Variants in PCDHGB2 observed in about 807,000 individuals in gnomAD.
PCDHGB2 encodes the protein protocadherin gamma subfamily B, 2.
Under a neutral mutation model 59.3 loss-of-function variants are expected in PCDHGB2, and 55 were observed. That is an observed-to-expected ratio of 0.93 (90% CI 0.75 to 1.16). The LOEUF is 1.16. Among genes scored for constraint, PCDHGB2 ranks in the 50% most tolerant of loss-of-function variants. The pLI is 0.00. For synonymous variants in PCDHGB2, 516 were observed against 512.0 expected (o/e 1.01, Z -0.11); for missense variants, 1,228 against 1,198.5 (o/e 1.02, Z -0.36).
chr5:141,466,977 C>T (rs2099133275), intron 1 of PCDHGB2, among the ~76,000 whole-genome samples: 1 of 151,786 alleles, frequency 6.6e-6, no homozygotes. Flanking sequence ...CACAGCTCAT[C>T]ATTTACCTTT....
chr5:141,419,414 GCCTTCGACCACGAGCAGCTGCGCA>G, intron 1 of PCDHGB2: 1 of 1,613,428 alleles, frequency 6.2e-7, no homozygotes, highest in South Asian at 1.1e-5. Context: ...CGCGCAGCGC[GCCTTCGACCACGAGCAGCTGCGCA>G]CCTTCGAGCT....
In PCDHGB2 at chr5:141,431,187, G is replaced by C. The variant is rs748150837; in HGVS notation, c.2422-63620G>C. On this transcript the variant is annotated intron_variant, in intron 1 of 3. Transcript: ENST00000522605. This position sits in a 1 kb window ranked among gnomAD's most constrained non-coding sequence, Gnocchi z 4.8. ...GAAAGTGAATTAGAAATAAAAATTAGTGAAAATGCAGCCACTGAGATGCGG... is the reference window on the plus strand; with the variant it reads ...GAAAGTGAATTAGAAATAAAAATTACTGAAAATGCAGCCACTGAGATGCGG... 4.3e-6 allele frequency: 7 copies of C among 1,614,102 alleles called. No homozygotes were observed. The Admixed American group carries it at 1.2e-4, about 27-fold the overall frequency.
At chr5:141,466,898 A>G (rs1029507733) in intron 1 of PCDHGB2, among the ~76,000 whole-genome samples, 1 of 152,170 alleles carries the variant, frequency 6.6e-6, no homozygotes, top group African/African-American at 2.4e-5. Context: ...TTTTCCATGA[A>G]GTTTTTGAAA....
In PCDHGB2 at chr5:141,360,296, T is replaced by C. The variant is rs1304247078; in HGVS notation, c.161T>C (p.Leu54Pro). Residue 54 changes from leucine to proline, a missense_variant, in exon 1 of 4, where the codon CTG (leucine) becomes CCG (proline). Leu to Pro is a moderately conservative substitution (Grantham distance 98). Coordinates refer to ENST00000522605, the MANE Select transcript of PCDHGB2 (RefSeq NM_018923.3). Reference protein sequence around the residue: ...NSVVGNLAKDLGLSVRDLPAR... With the variant: ...NSVVGNLAKDPGLSVRDLPAR... ...GTCGTAGGAAACCTCGCCAAGGATC[T>C]GGGGCTCAGCGTCCGGGACTTGCCA... is the stretch of plus-strand genomic sequence containing the variant. 6.2e-7 allele frequency: 1 copy of C among 1,613,922 alleles called. No homozygotes were observed. The highest frequency in any genetic ancestry group is 1.3e-5 in the African/African-American group (1 of 74,996).
chr5:141,431,724 T>G lies in PCDHGB2; in HGVS notation c.2422-63083T>G, dbSNP rs758754345. On this transcript the variant is annotated intron_variant, in intron 1 of 3. Transcript: ENST00000522605. The surrounding 1 kb of genome is among the most constrained non-coding windows in gnomAD (Gnocchi z 4.8). ...TTCTACCAGATGGAAGTGCAAGCAA[T>G]GGATAATGCAGGATATTCTGCGCGA... 1 of 1,614,036 alleles carries G rather than the reference T, an allele frequency of 6.2e-7. No individual in the cohort carries two copies. Among genetic ancestry groups the G allele is most frequent in the Non-Finnish European group, 8.5e-7 (1 of 1,180,036 alleles).
Position 141,498,971 on chromosome 5 carries a change from GGGAAGGAAGGAAGGAAGGAAGGAA to G in PCDHGB2, c.2480+4140_2480+4163del, listed in dbSNP as rs201769957. 5.1e-3 allele frequency among the ~76,000 whole-genome samples: 569 copies of G among 111,048 alleles called. 6 individuals carry two copies. Among genetic ancestry groups the G allele is most frequent in the South Asian group, 0.024 (65 of 2,658 alleles). 72.9% of individuals were successfully genotyped at this position (111,048 alleles called of 152,430 possible). A position where few individuals can be genotyped will look rare whatever the true frequency, so the allele number is the denominator to read the frequency against. On this transcript the variant is annotated intron_variant, in intron 2 of 3. Coordinates refer to ENST00000522605, the MANE Select transcript of PCDHGB2 (RefSeq NM_018923.3). ...AAAAAGAGAGAGAGGGAGGGAGGGA[GGGAAGGAAGGAAGGAAGGAAGGAA>G]GGAAGGAAGGAAGGAAGGAAGGAAG...
chr5:141,462,418 T>A (rs1187388192), intron 1 of PCDHGB2, among the ~76,000 whole-genome samples: 2 of 152,250 alleles, frequency 1.3e-5, no homozygotes, highest in African/African-American at 2.4e-5. Context: ...ATATGGTCTA[T>A]CTTGGTGAGT....
At chr5:141,395,550 G>T (rs1402921293) in intron 1 of PCDHGB2, 4 of 47,806 alleles carry the variant, frequency 8.4e-5, no homozygotes, top group South Asian at 8.8e-4. Flanking sequence ...GTTTGTGTGT[G>T]TGTGTGTGTG....
chr5:141,455,542 C>T (rs2154565110), intron 1 of PCDHGB2, among the ~76,000 whole-genome samples: 1 of 152,246 alleles, frequency 6.6e-6, no homozygotes, highest in African/African-American at 2.4e-5. Flanking sequence ...ATATCATTCA[C>T]GTAGCCCGAG....
rs2099641707 is a variant in PCDHGB2 at position 141,487,238 on chromosome 5, C to T, written c.2422-7569C>T. 1.2e-6 allele frequency: 2 copies of T among 1,614,056 alleles called. No individual in the cohort carries two copies. The highest frequency in any genetic ancestry group is 1.7e-6 in the Non-Finnish European group (2 of 1,180,022). On this transcript the variant is annotated intron_variant, in intron 1 of 3. Transcript: ENST00000522605. This position sits in a 1 kb window ranked among gnomAD's most constrained non-coding sequence, Gnocchi z 5.0. ...AGCTCCAAGGGAAGGAGAATCTCGT[C>T]TAACCCTCTACTTGGCTGTGTCCCT...
chr5:141,396,790 C>G (rs2093435054), intron 1 of PCDHGB2, among the ~76,000 whole-genome samples: 2 of 152,128 alleles, frequency 1.3e-5, no homozygotes. Flanking sequence ...AGGACATTTC[C>G]TAAGGATTGT....
intron 1 of PCDHGB2, among the ~76,000 whole-genome samples, chr5:141,456,780 T>A (rs1392367637): frequency 1.3e-5 from 2 of 152,000 alleles, no homozygotes; most frequent in Non-Finnish European, 2.9e-5. Flanking sequence ...CTGGCCTACA[T>A]GGCAAAACCC....
chr5:141,363,901 T>C (rs1190403839), intron 1 of PCDHGB2, among the ~76,000 whole-genome samples: 2 of 152,240 alleles, frequency 1.3e-5, no homozygotes, highest in African/African-American at 4.8e-5. Context: ...CGATGACGCA[T>C]TAAATAAAAT....
In PCDHGB2 at chr5:141,489,372, G is replaced by A. The variant is rs1335356378; in HGVS notation, c.2422-5435G>A. 2 of 1,613,814 alleles carry A rather than the reference G, an allele frequency of 1.2e-6. No individual in the cohort carries two copies. Among genetic ancestry groups the A allele is most frequent in the Non-Finnish European group, 1.7e-6 (2 of 1,179,700 alleles). On this transcript the variant is annotated intron_variant, in intron 1 of 3. Transcript: ENST00000522605. The surrounding 1 kb of genome is among the most constrained non-coding windows in gnomAD (Gnocchi z 4.5). ...TGGAGGAGTCTGAGCCGGGGACGCT[G>A]GTGGGGAATGTTGCTCAGGATCTGG...
chr5:141,399,853 C>G, intron 1 of PCDHGB2: 1 of 1,612,978 alleles, frequency 6.2e-7, no homozygotes, highest in Non-Finnish European at 8.5e-7. Flanking sequence ...TATGGTGCCG[C>G]GCGCTGCAGA....
At chr5:141,392,575 T>C (rs1185769260) in intron 1 of PCDHGB2, 2 of 459,466 alleles carry the variant, frequency 4.4e-6, no homozygotes, top group Non-Finnish European at 7.7e-6. Flanking sequence ...TATTTAGGAC[T>C]GTAAGCGCCG....
intron 1 of PCDHGB2, chr5:141,428,863 T>C (rs1160939898): frequency 6.7e-6 from 1 of 149,182 alleles, no homozygotes; most frequent in African/African-American, 2.4e-5. Context: ...CGGGAGACTT[T>C]TTTTTTTTTT....
intron 1 of PCDHGB2, chr5:141,378,290 C>G (rs544518611): frequency 6.6e-6 from 1 of 152,232 alleles, no homozygotes; most frequent in Non-Finnish European, 1.5e-5. Flanking sequence ...TTTGGGAGGC[C>G]AAGGCAGGCA....
chr5:141,409,861 A>C, intron 1 of PCDHGB2: 1 of 1,612,406 alleles, frequency 6.2e-7, no homozygotes, highest in Non-Finnish European at 8.5e-7. Context: ...TGTTGGTGGG[A>C]GACCGCAATG....
Sources: gnomAD v4.1 joint callset for allele counts (sites outside exome capture counted in the v4.1 genomes callset) on GRCh38, gnomAD v4.1.1 for gene constraint, Gnocchi (gnomAD v3.1) non-coding constraint, MANE v1.5 for transcripts, NCBI Gene and HGNC (gene_info 2026-07-23, HGNC 2026-07-21) for gene names.